The following NKD1 variants were observed in gnomAD, a reference collection of about 807,000 sequenced individuals.
NKD1 encodes the protein NKD inhibitor of Wnt signaling pathway 1.
NKD1 carries 21 observed loss-of-function variants against 56.0 expected under a neutral mutation model. That is an observed-to-expected ratio of 0.38 (90% CI 0.27 to 0.54). The LOEUF (loss-of-function observed/expected upper bound fraction) is 0.54, where lower values mean the gene tolerates loss of function less well. Ranked by LOEUF, NKD1 falls within the 20% of genes least tolerant of loss-of-function variation. NKD1 has a pLI of 0.82. For missense variants in NKD1, 578 were observed against 642.7 expected (o/e 0.90, Z 1.09); for synonymous variants, 263 against 265.7 (o/e 0.99, Z 0.10).
chr16:50,571,745 A>G (rs1329246421), intron 3 of NKD1, among the ~76,000 whole-genome samples: 1 of 151,394 alleles, frequency 6.6e-6, no homozygotes, highest in Non-Finnish European at 1.5e-5. Flanking sequence ...CTCCTGGAGG[A>G]CTCCAACAGC....
chr16:50,620,858 C>G (rs1303363981), intron 4 of NKD1, among the ~76,000 whole-genome samples: 1 of 152,188 alleles, frequency 6.6e-6, no homozygotes, highest in Non-Finnish European at 1.5e-5. Flanking sequence ...ACACACAGGA[C>G]CGTGACCTTT....
intron 3 of NKD1, among the ~76,000 whole-genome samples, chr16:50,572,372 T>C (rs989269532): frequency 6.6e-6 from 1 of 152,236 alleles, no homozygotes; most frequent in African/African-American, 2.4e-5. Context: ...CTGACACATA[T>C]AGGCATCTGT....
rs543616024 is a variant in NKD1, at chr16:50,633,948, C to T, written c.*167C>T. On this transcript the variant is annotated 3_prime_UTR_variant, in exon 10 of 10. Transcript: ENST00000268459. This position sits in a 1 kb window ranked among gnomAD's most constrained non-coding sequence, Gnocchi z 4.9. The stretch of plus-strand genomic sequence containing the variant: ...TACATGTAGAAGATCTATGGAAACA[C>T]AGAACTAAACTTTTATTTATATGTT... 16 of 518,684 alleles carry T rather than the reference C, an allele frequency of 3.1e-5. No homozygotes were observed. Among genetic ancestry groups the T allele is most frequent in the South Asian group, 2.2e-4 (6 of 26,974 alleles). The allele number at this position is 518,684 out of a possible 1,614,324, so 32.1% of individuals were successfully genotyped here. A position where few individuals can be genotyped will look rare whatever the true frequency, so the allele number is the denominator to read the frequency against.
chr16:50,624,278 C>CA (rs1962160638), intron 5 of NKD1, among the ~76,000 whole-genome samples: 1 of 152,174 alleles, frequency 6.6e-6, no homozygotes, highest in Admixed American at 6.5e-5. Flanking sequence ...CTAGAACTGT[C>CA]TATCTGACAC....
In NKD1 at chr16:50,574,553, T is replaced by G. The variant is rs1458696509; in HGVS notation, c.192+24998T>G. 4 of 985,248 alleles carry G rather than the reference T, an allele frequency of 4.1e-6. No homozygotes were observed. In the African/African-American group the frequency reaches 7.0e-5, roughly 17 times the overall value. The allele number at this position is 985,248 out of a possible 1,614,324, so 61.0% of individuals were successfully genotyped here. On this transcript the variant is annotated intron_variant, in intron 3 of 9. Coordinates refer to ENST00000268459, the MANE Select transcript of NKD1 (RefSeq NM_033119.5). ...ACGGCCGAATGGCAGTGCAGCGTGG[T>G]CTCGCCTTGGATTGATCTTGTTGGA...
intron 4 of NKD1, among the ~76,000 whole-genome samples, chr16:50,621,099 T>C (rs965952726): frequency 3.3e-5 from 5 of 152,272 alleles, no homozygotes; most frequent in African/African-American, 4.8e-5. Context: ...TGTGCACTTC[T>C]TTGCCAACCC....
At chr16:50,587,408 G>A (rs916480868) in intron 3 of NKD1, among the ~76,000 whole-genome samples, 21 of 152,134 alleles carry the variant, frequency 1.4e-4, no homozygotes, top group Admixed American at 7.8e-4. Flanking sequence ...TAGTAGAATC[G>A]TCACCTCCCA....
At position 50,645,056 on chromosome 16, in the gene NKD1, C is replaced by T. The variant is rs531918992; in HGVS notation, c.*11275C>T. 3 of 152,382 alleles carry T rather than the reference C, an allele frequency of 2.0e-5. No homozygotes were observed. The highest frequency in any genetic ancestry group is 4.1e-4 in the South Asian group (2 of 4,824). The allele number at this position is 152,382 out of a possible 1,614,324, so 9.4% of individuals were successfully genotyped here. ...CTGCCCAGAAAGGACCTGCTCAGGCCTGGCTGGCCTTTACCACCGTCATCT... is the reference window on the plus strand; with the variant it reads ...CTGCCCAGAAAGGACCTGCTCAGGCTTGGCTGGCCTTTACCACCGTCATCT... On this transcript the variant is annotated 3_prime_UTR_variant, in exon 10 of 10. Transcript: ENST00000268459.
At chr16:50,599,507 G>T (rs1961547919) in intron 3 of NKD1, among the ~76,000 whole-genome samples, 1 of 152,220 alleles carries the variant, frequency 6.6e-6, no homozygotes, top group African/African-American at 2.4e-5. Flanking sequence ...CAAAGTGGGG[G>T]TCATCGCAGA....
chr16:50,551,326 G>A (rs147108673), intron 3 of NKD1, among the ~76,000 whole-genome samples: 2 of 152,328 alleles, frequency 1.3e-5, no homozygotes, highest in East Asian at 1.9e-4. Flanking sequence ...GCTGAGGACA[G>A]CATGGGATGG....
At chr16:50,574,407 C>T (rs1378229938) in intron 3 of NKD1, 10 of 985,232 alleles carry the variant, frequency 1.0e-5, no homozygotes, top group Admixed American at 6.2e-5. Context: ...CTGGCTGAGT[C>T]GACATAGCCG....
At chr16:50,557,476 T>C (rs937231487) in intron 3 of NKD1, 2 of 152,232 alleles carry the variant, frequency 1.3e-5, no homozygotes, top group East Asian at 3.8e-4. Flanking sequence ...TCATACTCTG[T>C]TTAATAACTA....
At position 50,633,336 on chromosome 16, in the gene NKD1, C is replaced by A. The variant is rs1035282106; in HGVS notation, c.968C>A (p.Thr323Asn). ...CCGGCCTCCTTCCACTTCCTTGACA[C>A]CCCAATCGCCAAGGTCTCAGAGCTC... ...VDPASFHFLD[T>N]PIAKVSELQQ... The change falls in exon 10 of 10, where the codon ACC becomes AAC. Residue 323 changes from threonine (T) to asparagine (N), a missense_variant. Physicochemically the swap from Thr to Asn is moderately conservative, Grantham distance 65. Coordinates refer to ENST00000268459, the MANE Select transcript of NKD1 (RefSeq NM_033119.5). The surrounding 1 kb of genome is among the most constrained non-coding windows in gnomAD (Gnocchi z 4.9). 13 of 1,614,032 alleles carry A rather than the reference C, an allele frequency of 8.1e-6. No homozygotes were observed. Among genetic ancestry groups the A allele is most frequent in the Admixed American group, 3.3e-5 (2 of 60,004 alleles).
chr16:50,617,796 A>C (rs1315529036), intron 4 of NKD1, among the ~76,000 whole-genome samples: 1 of 152,252 alleles, frequency 6.6e-6, no homozygotes, highest in Admixed American at 6.5e-5. Context: ...AAGGATTTCC[A>C]GCCAAGCAGG....
intron 3 of NKD1, among the ~76,000 whole-genome samples, chr16:50,559,702 G>A (rs985524489): frequency 1.3e-5 from 2 of 152,138 alleles, no homozygotes; most frequent in African/African-American, 4.8e-5. Context: ...CAGCTTTCTG[G>A]TCAGGTTGGA....
intron 3 of NKD1, among the ~76,000 whole-genome samples, chr16:50,600,252 CAA>C (rs1961565122): frequency 6.6e-6 from 1 of 151,902 alleles, no homozygotes; most frequent in South Asian, 2.1e-4. Context: ...AACAAACAAA[CAA>C]ACAAACAACA....
rs556916040 is a variant in NKD1 at position 50,622,613 on chromosome 16, C to A, written c.366+905C>A. Among the ~76,000 whole-genome samples the A allele has an allele frequency of 7.9e-5, 12 of 152,324 alleles. 1 individual carries two copies. The South Asian group carries it at 2.5e-3, about 32-fold the overall frequency. On this transcript the variant is annotated intron_variant, in intron 5 of 9. Transcript: ENST00000268459. The stretch of plus-strand genomic sequence containing the variant: ...GACTTTGGGGCAAGTTCCCTAAAGT[C>A]TCAGTGGCCTCACGTGCCTCGCCTG...
intron 3 of NKD1, among the ~76,000 whole-genome samples, chr16:50,554,155 C>T (rs916672662): frequency 2.6e-5 from 4 of 152,170 alleles, no homozygotes; most frequent in African/African-American, 9.7e-5. Context: ...CTTCTGTTCT[C>T]TAGAGCCCAA....
rs1275008677 is a variant in NKD1, at chr16:50,623,519, C to T, written c.366+1811C>T. ...AGACCAGGCCCAGGCATCCTGCCTC[C>T]CTGGAAGCCCAAGTGCGCTTGCTTC... On this transcript the variant is annotated intron_variant, in intron 5 of 9. Coordinates refer to ENST00000268459, the MANE Select transcript of NKD1 (RefSeq NM_033119.5). This position sits in a 1 kb window ranked among gnomAD's most constrained non-coding sequence, Gnocchi z 4.1. Among the ~76,000 whole-genome samples the T allele has an allele frequency of 1.3e-5, 2 of 152,112 alleles. No homozygotes were observed. Among genetic ancestry groups the T allele is most frequent in the African/African-American group, 4.8e-5 (2 of 41,414 alleles).
Sources: allele counts gnomAD v4.1 joint callset (sites outside exome capture counted in the v4.1 genomes callset), GRCh38; gene constraint gnomAD v4.1.1; non-coding constraint Gnocchi (gnomAD v3.1); transcripts MANE v1.5; gene names NCBI Gene and HGNC (gene_info 2026-07-23, HGNC 2026-07-21).